Variants in SLC6A17 observed in about 807,000 individuals in gnomAD.
SLC6A17 encodes solute carrier family 6 member 17, also known as sodium-dependent neutral amino acid transporter SLC6A17.
In SLC6A17, 21 loss-of-function variants were observed where a neutral mutation model predicts 64.5. That is an observed-to-expected ratio of 0.33 (90% CI 0.23 to 0.47). The LOEUF is 0.47. Among genes scored for constraint, SLC6A17 ranks in the 20% least tolerant of loss-of-function variants. The pLI is 1.00. For synonymous variants in SLC6A17, 372 were observed against 399.5 expected, an observed-to-expected ratio of 0.93 and a Z score of 0.82; for missense variants, 682 against 963.2, an observed-to-expected ratio of 0.71 and a Z score of 3.86.
At position 110,199,832 on chromosome 1, in the gene SLC6A17, T is replaced by C. The variant is rs887028919; in HGVS notation, c.*1388T>C. ...GGAACCTGACCCAAGAGTAAATGTC[T>C]GCAGAGAGATGGATGGATGGATGGA... is the stretch of plus-strand genomic sequence containing the variant. On this transcript the variant is annotated 3_prime_UTR_variant, in exon 12 of 12. Coordinates refer to ENST00000331565, the MANE Select transcript of SLC6A17 (RefSeq NM_001010898.4). 7 of 392,652 alleles carry C rather than the reference T, an allele frequency of 1.8e-5. No individual in the cohort carries two copies. In the South Asian group the frequency reaches 8.6e-4, roughly 48 times the overall value. The allele number at this position is 392,652 out of a possible 1,614,324, so 24.3% of individuals were successfully genotyped here. A position where few individuals can be genotyped will look rare whatever the true frequency, so the allele number is the denominator to read the frequency against.
rs191876556 is a variant in SLC6A17 at position 110,160,594 on chromosome 1, A to G, written c.-87-6249A>G. ...GTTGTACCAGACAGCCAAATAGTAAAATAGTGTAAAAGGGTGTTACAAGGA... is the reference window on the plus strand; with the variant it reads ...GTTGTACCAGACAGCCAAATAGTAAGATAGTGTAAAAGGGTGTTACAAGGA... On this transcript the variant is annotated intron_variant, in intron 1 of 11. Transcript: ENST00000331565. Among the ~76,000 whole-genome samples, 112 of 152,334 alleles carry G rather than the reference A, an allele frequency of 7.4e-4. 1 individual carries two copies. In the Middle Eastern group the frequency reaches 0.014, roughly 19 times the overall value.
intron 1 of SLC6A17, among the ~76,000 whole-genome samples, chr1:110,153,890 A>G (rs565904332): frequency 1.3e-3 from 178 of 131,922 alleles, no homozygotes; most frequent in African/African-American, 5.9e-3. Flanking sequence ...AGGATGGGGG[A>G]AAAAAAACCT....
intron 6 of SLC6A17, 86 bp from the exon 7 acceptor site, chr1:110,191,886 T>G: frequency 8.4e-6 from 13 of 1,540,470 alleles, no homozygotes; most frequent in Non-Finnish European, 1.1e-5. Flanking sequence ...TGAACTCTGT[T>G]GAGGCTGAGA....
intron 6 of SLC6A17, among the ~76,000 whole-genome samples, chr1:110,179,290 G>A (rs535022083): frequency 5.5e-4 from 83 of 152,260 alleles, no homozygotes; most frequent in African/African-American, 1.9e-3. Flanking sequence ...TCTATGTTTA[G>A]GAATGGAATT....
chr1:110,197,985 A>T, intron 11 of SLC6A17, 91 bp from the exon 12 acceptor site: 1 of 1,517,492 alleles, frequency 6.6e-7, no homozygotes, highest in Admixed American at 2.1e-5. Context: ...GTGGAAGGCC[A>T]TGGGTGAGGG....
chr1:110,178,171 A>G (rs1187739000), intron 6 of SLC6A17: 2 of 152,262 alleles, frequency 1.3e-5, no homozygotes. Flanking sequence ...ATCAGTCTAA[A>G]ACGTTCACTT....
At chr1:110,189,588 C>T (rs1656774635) in intron 6 of SLC6A17, among the ~76,000 whole-genome samples, 1 of 152,162 alleles carries the variant, frequency 6.6e-6, no homozygotes, top group Non-Finnish European at 1.5e-5. Flanking sequence ...CCCTCGGTGG[C>T]TTCTTGGGTT....
rs755173896 is a variant in SLC6A17 at position 110,172,185 on chromosome 1, C to T, written c.412C>T (p.Arg138Cys). The T allele has an allele frequency of 9.3e-6, 15 of 1,605,560 alleles. No individual in the cohort carries two copies. The highest frequency in any genetic ancestry group is 6.7e-5 in the South Asian group (6 of 89,720). Residue 138 changes from arginine (R) to cysteine (C), a missense_variant, in exon 3 of 12, where the codon CGC (arginine) becomes TGC (cysteine). By Grantham distance (180) the Arg-to-Cys change is radical (BLOSUM62 -3). Around this residue, in one of 3 missense-constraint regions of SLC6A17, gnomAD observed 415 missense variants for 603.8 expected, o/e 0.69. Coordinates refer to ENST00000331565, the MANE Select transcript of SLC6A17 (RefSeq NM_001010898.4). Reference protein sequence around the residue: ...SIGVWHYICPRLGGIGFSSCI... With the variant: ...SIGVWHYICPCLGGIGFSSCI... ...CGGTGTGTGGCACTATATATGTCCC[C>T]GCCTGGGGGGCATCGGCTTCTCCAG... is the stretch of plus-strand genomic sequence containing the variant.
intron 5 of SLC6A17, among the ~76,000 whole-genome samples, chr1:110,175,258 G>A (rs1656343840): frequency 6.6e-6 from 1 of 152,208 alleles, no homozygotes; most frequent in African/African-American, 2.4e-5. Context: ...TTGACCCAGG[G>A]ACGTCTGTCT....
At position 110,200,802 on chromosome 1, in the gene SLC6A17, T is replaced by C. The variant is rs952233665; in HGVS notation, c.*2358T>C. On this transcript the variant is annotated 3_prime_UTR_variant, in exon 12 of 12. Coordinates refer to ENST00000331565, the MANE Select transcript of SLC6A17 (RefSeq NM_001010898.4). ...GTGTGTGTGCGTGCTGTGTGTATGG[T>C]GTGCACATACGTGAGTGTGGGTGTG... 7 of 152,352 alleles carry C rather than the reference T, an allele frequency of 4.6e-5. No individual in the cohort carries two copies. The highest frequency in any genetic ancestry group is 2.4e-5 in the African/African-American group (1 of 41,352). The allele number at this position is 152,352 out of a possible 1,614,324, so 9.4% of individuals were successfully genotyped here.
At chr1:110,164,718 T>C (rs1239920142) in intron 1 of SLC6A17, among the ~76,000 whole-genome samples, 1 of 152,098 alleles carries the variant, frequency 6.6e-6, no homozygotes, top group African/African-American at 2.4e-5. Context: ...GTATCCTCCT[T>C]CTGCTTTACC....
intron 2 of SLC6A17, 141 bp downstream of exon 2, chr1:110,167,356 A>G: frequency 9.3e-7 from 1 of 1,072,012 alleles, no homozygotes; most frequent in Non-Finnish European, 1.3e-6. Flanking sequence ...ACAGCCCAGG[A>G]ATAGCTATAA....
rs938206512 is a variant in SLC6A17 at position 110,171,994 on chromosome 1, G to A, written c.287-66G>A. The A allele has an allele frequency of 2.1e-5, 33 of 1,572,264 alleles. No homozygotes were observed. In the East Asian group the frequency reaches 2.5e-4, roughly 12 times the overall value. On this transcript the variant is annotated intron_variant, in intron 2 of 11. Coordinates refer to ENST00000331565, the MANE Select transcript of SLC6A17 (RefSeq NM_001010898.4). ...GGCTGAGACTGGAAGACATGGCTGC[G>A]GCCCCTTCCCTCACTCTGCTGCTGT...
At chr1:110,188,650 C>T (rs983533204) in intron 6 of SLC6A17, among the ~76,000 whole-genome samples, 1 of 152,218 alleles carries the variant, frequency 6.6e-6, no homozygotes, top group African/African-American at 2.4e-5. Context: ...CAGCTTCCCA[C>T]CCCATCCCGA....
At chr1:110,164,654 GA>G (rs1655998341) in intron 1 of SLC6A17, among the ~76,000 whole-genome samples, 1 of 152,236 alleles carries the variant, frequency 6.6e-6, no homozygotes, top group South Asian at 2.1e-4. Context: ...ATCTTGGGAA[GA>G]AGGAGGAAGC....
rs1422245762 is a variant in SLC6A17, at chr1:110,199,902, G to C, written c.*1458G>C. On this transcript the variant is annotated 3_prime_UTR_variant, in exon 12 of 12. Coordinates refer to ENST00000331565, the MANE Select transcript of SLC6A17 (RefSeq NM_001010898.4). The stretch of plus-strand genomic sequence containing the variant: ...GGGAGTGGGGGTGGATGGATGGATA[G>C]ATGGATGGATGGATGGATGGATGGG... 5.7e-6 allele frequency: 2 copies of C among 352,416 alleles called. No individual in the cohort carries two copies. The highest frequency in any genetic ancestry group is 4.1e-5 in the East Asian group (1 of 24,402). 21.8% of individuals were successfully genotyped at this position (352,416 alleles called of 1,614,324 possible). A position where few individuals can be genotyped will look rare whatever the true frequency, so the allele number is the denominator to read the frequency against.
chr1:110,198,343 C>T lies in SLC6A17; in HGVS notation c.2083C>T (p.Leu695=). 6.2e-7 allele frequency: 1 copy of T among 1,614,200 alleles called. No homozygotes were observed. Among genetic ancestry groups the T allele is most frequent in the Non-Finnish European group, 8.5e-7 (1 of 1,180,030 alleles). ...CCCCATGCCCACTCACCGTTCCTAT[C>T]TGGGGCCCGGCAGCACATCACCCCT... ...PSPMPTHRSY[L]GPGSTSPLET... The change falls in exon 12 of 12, where the codon CTG becomes TTG. Residue 695 remains leucine, a synonymous_variant. Transcript: ENST00000331565.
intron 2 of SLC6A17, among the ~76,000 whole-genome samples, chr1:110,168,694 C>T (rs2101844562): frequency 6.6e-6 from 1 of 152,312 alleles, no homozygotes; most frequent in East Asian, 1.9e-4. Flanking sequence ...GGACGTGTGG[C>T]ATTGGAGGAC....
At chr1:110,197,375 G>A (rs1438269679) in intron 10 of SLC6A17, 62 bp from the exon 11 acceptor site, 1 of 1,548,744 alleles carries the variant, frequency 6.5e-7, no homozygotes, top group African/African-American at 1.4e-5. Context: ...AGATGGTGAT[G>A]GGGGAAGAGG....
Sources: allele counts gnomAD v4.1 joint callset (sites outside exome capture counted in the v4.1 genomes callset), GRCh38; gene constraint gnomAD v4.1.1; regional missense constraint gnomAD v4.1.1; transcripts MANE v1.5; gene names NCBI Gene and HGNC (gene_info 2026-07-23, HGNC 2026-07-21).